SYT12: variants seen among roughly 807,000 people sequenced by gnomAD.
SYT12 encodes synaptotagmin 12, also known as synaptotagmin-12.
A neutral mutation model predicts 39.5 loss-of-function variants in SYT12; 27 were observed. The ratio of observed to expected loss-of-function variants is 0.68; its 90% CI spans 0.50 to 0.94. The LOEUF (loss-of-function observed/expected upper bound fraction) is 0.94, where lower values mean the gene tolerates loss of function less well. SYT12 is among the 40% of genes least tolerant of loss of function. SYT12 has a pLI of 0.00. For synonymous variants in SYT12, 233 were observed against 239.7 expected (o/e 0.97, Z 0.26); for missense variants, 536 against 572.6 (o/e 0.94, Z 0.65).
intron 3 of SYT12, among the ~76,000 whole-genome samples, chr11:67,012,588 C>G (rs1276949423): frequency 1.3e-5 from 2 of 152,096 alleles, no homozygotes; most frequent in African/African-American, 4.8e-5. Context: ...GACCAGCATC[C>G]TTCTTAAAAT....
chr11:67,024,604 G>A (rs1950156752), intron 1 of SYT12, among the ~76,000 whole-genome samples: 1 of 152,204 alleles, frequency 6.6e-6, no homozygotes, highest in Admixed American at 6.5e-5. Context: ...AGAGGGCTGC[G>A]GTGCTGAGAT....
At chr11:67,024,885 G>A (rs978127652) in intron 1 of SYT12, among the ~76,000 whole-genome samples, 18 of 152,218 alleles carry the variant, frequency 1.2e-4, no homozygotes, top group African/African-American at 4.1e-4. Flanking sequence ...GCAAGGAGGT[G>A]GGGTGGAGCA....
chr11:67,042,911 C>T (rs1300705702), intron 4 of SYT12, among the ~76,000 whole-genome samples: 1 of 152,180 alleles, frequency 6.6e-6, no homozygotes, highest in South Asian at 2.1e-4. Flanking sequence ...AGGCAAGCTT[C>T]CCAGCTTAAC....
chr11:67,019,947 G>T (rs1950092492), upstream of SYT12, among the ~76,000 whole-genome samples: 2 of 151,416 alleles, frequency 1.3e-5, no homozygotes, highest in Admixed American at 1.3e-4. Context: ...CTAGTCTTGG[G>T]GCCCAGCTGT....
At chr11:67,011,914 C>T (rs1950015954) in intron 3 of SYT12, among the ~76,000 whole-genome samples, 1 of 151,762 alleles carries the variant, frequency 6.6e-6, no homozygotes, top group Admixed American at 6.6e-5. Context: ...TAATGGCGCC[C>T]ACCACCACGT....
chr11:67,009,235 C>T lies in SYT12; in HGVS notation c.-484-644C>T, dbSNP rs770216209. 1.4e-4 allele frequency among the ~76,000 whole-genome samples: 22 copies of T among 151,926 alleles called. 1 individual carries two copies. Among genetic ancestry groups the T allele is most frequent in the African/African-American group, 4.1e-4 (17 of 41,430 alleles). On this transcript the variant is annotated intron_variant, in intron 1 of 10. Transcript: ENST00000393946. ...TGTCTAGGCTGGTCCTGAACTCCTG[C>T]GCTTAAGTGATCCCCATGCCTTGGC... is the stretch of plus-strand genomic sequence containing the variant.
intron 1 of SYT12, among the ~76,000 whole-genome samples, chr11:67,009,451 C>T (rs1251637819): frequency 1.3e-5 from 2 of 152,154 alleles, no homozygotes; most frequent in Non-Finnish European, 2.9e-5. Flanking sequence ...GCCCCCACAC[C>T]TGGCTAACTT....
chr11:67,010,978 A>G (rs746901034), exon 3 of SYT12: 1 of 152,178 alleles, frequency 6.6e-6, no homozygotes, highest in Non-Finnish European at 1.5e-5. Context: ...ACACACAAAC[A>G]AACATCATAT....
In SYT12 at chr11:67,039,969, G is replaced by C. The variant is rs758611980; in HGVS notation, c.387G>C (p.Arg129=). The C allele has an allele frequency of 6.2e-7, 1 of 1,613,756 alleles. No homozygotes were observed. Among genetic ancestry groups the C allele is most frequent in the Admixed American group, 1.7e-5 (1 of 60,026 alleles). The change falls in exon 4 of 8, where the codon CGG becomes CGC. Residue 129 remains arginine (R), a synonymous_variant. Transcript: ENST00000527043. ...ELDLAPYGTL[R]KSQSADSLNS... ...ACCTGGCCCCCTATGGGACCCTCCG[G>C]AAGTCCCAGTCGGCCGACTCCCTGA...
intron 3 of SYT12, among the ~76,000 whole-genome samples, chr11:67,015,048 C>T (rs1383561329): frequency 6.6e-6 from 1 of 152,216 alleles, no homozygotes; most frequent in African/African-American, 2.4e-5. Context: ...TGCAAGTCCG[C>T]TGAGCCGGTG....
chr11:67,007,040 T>G (rs1591345842), exon 1 of SYT12: 1 of 152,332 alleles, frequency 6.6e-6, no homozygotes, highest in Admixed American at 6.5e-5. Flanking sequence ...ATGAGTCAGG[T>G]CCTGAAGGAT....
chr11:67,049,450 A>C lies in SYT12; in HGVS notation c.*693A>C, dbSNP rs1374587890. The stretch of plus-strand genomic sequence containing the variant: ...CAGCAGCCTACCGGCCACGTGGAAC[A>C]CTGGCTCCGGAGTTATTCTCTGTCA... On this transcript the variant is annotated 3_prime_UTR_variant, in exon 8 of 8. Transcript: ENST00000527043. 6.6e-6 allele frequency: 1 copy of C among 152,286 alleles called. No individual in the cohort carries two copies. Among genetic ancestry groups the C allele is most frequent in the Non-Finnish European group, 1.5e-5 (1 of 68,088 alleles). 9.4% of individuals were successfully genotyped at this position (152,286 alleles called of 1,614,324 possible).
upstream of SYT12, among the ~76,000 whole-genome samples, chr11:67,020,886 G>A (rs946580712): frequency 3.3e-5 from 5 of 152,066 alleles, no homozygotes; most frequent in East Asian, 7.7e-4. Context: ...ATACCACCAC[G>A]CCCAGCTAAT....
At chr11:67,029,927 G>A (rs1182521102) in intron 1 of SYT12, 195 bp from the exon 2 acceptor site, 2 of 527,040 alleles carry the variant, frequency 3.8e-6, no homozygotes, top group African/African-American at 1.9e-5. Context: ...TGGCAATCCT[G>A]AGAAGAGTCT....
At position 67,030,190 on chromosome 11, in the gene SYT12, G is replaced by A. The variant is rs748722889; in HGVS notation, c.34+12G>A. 2.5e-6 allele frequency: 4 copies of A among 1,614,016 alleles called. No homozygotes were observed. Among genetic ancestry groups the A allele is most frequent in the Non-Finnish European group, 3.4e-6 (4 of 1,179,992 alleles). The stretch of plus-strand genomic sequence containing the variant: ...ATACCATCTGAGCGGTGAGTGCCCA[G>A]GGCAAACCCCTCCTGGATCACGCCT... On this transcript the variant is annotated intron_variant, in intron 2 of 7. Coordinates refer to ENST00000527043, the MANE Select transcript of SYT12 (RefSeq NM_177963.4).
chr11:67,011,911 G>A (rs889565952), intron 3 of SYT12, among the ~76,000 whole-genome samples: 2 of 151,576 alleles, frequency 1.3e-5, no homozygotes, highest in East Asian at 4.0e-4. Flanking sequence ...GATTAATGGC[G>A]CCCACCACCA....
intron 3 of SYT12, among the ~76,000 whole-genome samples, chr11:67,012,753 T>C (rs1035147620): frequency 6.6e-6 from 1 of 152,204 alleles, no homozygotes; most frequent in Non-Finnish European, 1.5e-5. Context: ...GCACGGTTAT[T>C]AACTACATTT....
chr11:67,034,724 C>A lies in SYT12; in HGVS notation c.114C>A (p.Ser38Arg), dbSNP rs767536054. 1 of 1,602,624 alleles carries A rather than the reference C, an allele frequency of 6.2e-7. No homozygotes were observed. The highest frequency in any genetic ancestry group is 1.7e-5 in the Admixed American group (1 of 57,340). ...ALALLGIAAV[S>R]LWKLWTSGSF... Reference sequence around the variant, plus strand: ...CCCTGCTGGGAATCGCAGCTGTGAGCCTGTGGAAGCTCTGGACGTCGGGGA... The same window carrying A: ...CCCTGCTGGGAATCGCAGCTGTGAGACTGTGGAAGCTCTGGACGTCGGGGA... Residue 38 changes from serine (S) to arginine (R), a missense_variant, in exon 3 of 8, where the codon AGC (serine) becomes AGA (arginine). Coordinates refer to ENST00000527043, the MANE Select transcript of SYT12 (RefSeq NM_177963.4).
At chr11:67,017,772 C>T (rs1360400118) in intron 3 of SYT12, among the ~76,000 whole-genome samples, 28 of 151,580 alleles carry the variant, frequency 1.8e-4, no homozygotes, top group Non-Finnish European at 3.8e-4. Flanking sequence ...CCAGCCTGGC[C>T]AACATGGTGA....
Sources: allele counts gnomAD v4.1 joint callset (sites outside exome capture counted in the v4.1 genomes callset), GRCh38; gene constraint gnomAD v4.1.1; transcripts MANE v1.5; gene names NCBI Gene and HGNC (gene_info 2026-07-23, HGNC 2026-07-21).